Variants in RPS6KA5 observed in about 807,000 individuals in gnomAD.
RPS6KA5 encodes ribosomal protein S6 kinase A5.
Under a neutral mutation model 85.5 loss-of-function variants are expected in RPS6KA5, and 27 were observed. The ratio of observed to expected loss-of-function variants is 0.32; its 90% CI spans 0.23 to 0.44. RPS6KA5 has a LOEUF of 0.44. Ranked by LOEUF, RPS6KA5 falls within the 20% of genes least tolerant of loss-of-function variation. The pLI is 1.00. For synonymous variants in RPS6KA5, 334 were observed against 348.2 expected (o/e 0.96, Z 0.46); for missense variants, 811 against 980.9 (o/e 0.83, Z 2.31).
intron 2 of RPS6KA5, among the ~76,000 whole-genome samples, chr14:90,993,422 A>G (rs879797215): frequency 2.6e-5 from 4 of 152,100 alleles, no homozygotes; most frequent in African/African-American, 7.2e-5. Context: ...CCTGGGTGAC[A>G]GAGCAAGACT....
At chr14:90,958,574 A>G (rs1047585919) in intron 3 of RPS6KA5, among the ~76,000 whole-genome samples, 2 of 152,338 alleles carry the variant, frequency 1.3e-5, no homozygotes, top group East Asian at 1.9e-4. Context: ...TGTGACTTTG[A>G]GCAAGATGTT....
At chr14:91,027,635 G>C (rs933343722) in intron 1 of RPS6KA5, among the ~76,000 whole-genome samples, 1 of 152,156 alleles carries the variant, frequency 6.6e-6, no homozygotes, top group African/African-American at 2.4e-5. Flanking sequence ...TAATATAATA[G>C]TTCACTTCTC....
intron 1 of RPS6KA5, among the ~76,000 whole-genome samples, chr14:91,006,070 G>A (rs2041007007): frequency 6.6e-6 from 1 of 152,120 alleles, no homozygotes. Flanking sequence ...CTTTTCCTAT[G>A]CCAGGCATGC....
At chr14:91,036,355 C>A (rs1000074301) in intron 1 of RPS6KA5, among the ~76,000 whole-genome samples, 24 of 152,194 alleles carry the variant, frequency 1.6e-4, no homozygotes, top group Admixed American at 3.3e-4. Context: ...CAGTTTAGAA[C>A]TAAACTCTAC....
chr14:90,896,958 A>G (rs2034872083), intron 12 of RPS6KA5, among the ~76,000 whole-genome samples: 1 of 152,064 alleles, frequency 6.6e-6, no homozygotes, highest in Non-Finnish European at 1.5e-5. Context: ...CCTGACCTCA[A>G]GTGATCCACC....
At chr14:90,938,876 T>C (rs1455364975) in intron 5 of RPS6KA5, among the ~76,000 whole-genome samples, 4 of 152,206 alleles carry the variant, frequency 2.6e-5, no homozygotes, top group Non-Finnish European at 5.9e-5. Context: ...TGGCATGCCC[T>C]GAGCCATTTT....
At chr14:91,056,910 T>C (rs932208352) in intron 1 of RPS6KA5, among the ~76,000 whole-genome samples, 4 of 136,372 alleles carry the variant, frequency 2.9e-5, no homozygotes, top group Non-Finnish European at 4.7e-5. Context: ...GATGGGAGTC[T>C]TGCTCTGTTG....
At position 90,872,037 on chromosome 14, in the gene RPS6KA5, A is replaced by G. The variant is rs369570559; in HGVS notation, c.*37T>C. 1.4e-5 allele frequency: 22 copies of G among 1,582,994 alleles called. No homozygotes were observed. In the African/African-American group the frequency reaches 2.6e-4, roughly 19 times the overall value. ...CGCCTCAGGCATATGCTGAGGGAAT[A>G]AAGGTGCAATGGATCACTGATACAC... On this transcript the variant is annotated 3_prime_UTR_variant, in exon 17 of 17. Transcript: ENST00000614987.
chr14:90,861,892 C>CCA lies in RPS6KA5; in HGVS notation c.*10181_*10182insTG, dbSNP rs570184162. 9.6e-6 allele frequency: 1 copy of CCA among 103,706 alleles called. No homozygotes were observed. Among genetic ancestry groups the CCA allele is most frequent in the Admixed American group, 1.0e-4 (1 of 9,620 alleles). The allele number at this position is 103,706 out of a possible 1,614,324, so 6.4% of individuals were successfully genotyped here. ...CAGCCTGGCGACAAAGACTCCATCT[C>CCA]AAAAAAAAAAAAAAAAAAGGGGAAA... On this transcript the variant is annotated 3_prime_UTR_variant, in exon 17 of 17. Coordinates refer to ENST00000614987, the MANE Select transcript of RPS6KA5 (RefSeq NM_004755.4).
chr14:91,035,721 T>C (rs1300030193), intron 1 of RPS6KA5, among the ~76,000 whole-genome samples: 1 of 151,738 alleles, frequency 6.6e-6, no homozygotes, highest in Non-Finnish European at 1.5e-5. Context: ...GAGGGGGCTA[T>C]GGAATGTTTT....
At chr14:90,900,374 T>C (rs1043318090) in intron 10 of RPS6KA5, 133 bp from the exon 11 acceptor site, 37 of 663,548 alleles carry the variant, frequency 5.6e-5, no homozygotes, top group African/African-American at 4.9e-4. Flanking sequence ...CTAAAATTCA[T>C]CTTTATAGGT....
At chr14:90,877,537 ATTCCCCTATCCAAATCCCTTCAC>A (rs2033557949) in intron 14 of RPS6KA5, among the ~76,000 whole-genome samples, 1 of 152,050 alleles carries the variant, frequency 6.6e-6, no homozygotes, top group Admixed American at 6.6e-5. Context: ...ATCTTACAAC[ATTCCCCTATCCAAATCCCTTCAC>A]TGGCTTCCTT....
intron 1 of RPS6KA5, among the ~76,000 whole-genome samples, chr14:91,057,645 G>A (rs1481006608): frequency 6.6e-6 from 1 of 152,160 alleles, no homozygotes; most frequent in Non-Finnish European, 1.5e-5. Flanking sequence ...TAACAGCCAG[G>A]CAATGTGACA....
chr14:90,872,363 T>C, intron 16 of RPS6KA5, 41 bp from the exon 17 acceptor site: 1 of 1,561,340 alleles, frequency 6.4e-7, no homozygotes. Flanking sequence ...AAGGTAAAAG[T>C]ACTGAAGCTT....
intron 1 of RPS6KA5, among the ~76,000 whole-genome samples, chr14:91,055,426 T>C (rs2043274139): frequency 6.6e-6 from 1 of 152,194 alleles, no homozygotes. Context: ...GGTATATCTA[T>C]ACAATGGAAC....
At chr14:91,059,712 G>T (rs74083904) in intron 1 of RPS6KA5, among the ~76,000 whole-genome samples, 2,286 of 152,292 alleles carry the variant, frequency 0.015, 45 homozygotes, top group African/African-American at 0.049. Context: ...ACCTCTGAAG[G>T]AAATTCAAGG....
chr14:90,910,724 C>T (rs1227973576), intron 7 of RPS6KA5, among the ~76,000 whole-genome samples: 1 of 150,186 alleles, frequency 6.7e-6, no homozygotes, highest in Non-Finnish European at 1.5e-5. Context: ...CTGGCTCTGT[C>T]GACCAGGCTG....
At chr14:90,896,239 AT>A (rs1467110756) in intron 12 of RPS6KA5, among the ~76,000 whole-genome samples, 1 of 152,216 alleles carries the variant, frequency 6.6e-6, no homozygotes, top group Non-Finnish European at 1.5e-5. Flanking sequence ...TTTAAAAAAG[AT>A]GTAAGGCAAT....
rs189652851 is a variant in RPS6KA5 at position 90,864,963 on chromosome 14, T to G, written c.*7111A>C. On this transcript the variant is annotated 3_prime_UTR_variant, in exon 17 of 17. Transcript: ENST00000614987. ...AACACTTACACATTATTGGTGGGTATGTAAATTGGTACAACCATTGTTGAA... is the reference window on the plus strand; with the variant it reads ...AACACTTACACATTATTGGTGGGTAGGTAAATTGGTACAACCATTGTTGAA... 1 of 152,236 alleles carries G rather than the reference T, an allele frequency of 6.6e-6. No individual in the cohort carries two copies. Among genetic ancestry groups the G allele is most frequent in the South Asian group, 2.1e-4 (1 of 4,836 alleles). The allele number at this position is 152,236 out of a possible 1,614,324, so 9.4% of individuals were successfully genotyped here.
Sources: gnomAD v4.1 joint callset for allele counts (sites outside exome capture counted in the v4.1 genomes callset) on GRCh38, gnomAD v4.1.1 for gene constraint, MANE v1.5 for transcripts, NCBI Gene and HGNC (gene_info 2026-07-23, HGNC 2026-07-21) for gene names.